Variants in SLC4A7 observed in about 807,000 individuals in gnomAD.
SLC4A7 encodes the protein sodium bicarbonate cotransporter 3.
In SLC4A7, 51 loss-of-function variants were observed where a neutral mutation model predicts 137.6. The observed-to-expected ratio is 0.37, with a 90% CI of 0.30 to 0.47. The LOEUF is 0.47. Ranked by LOEUF, SLC4A7 falls within the 20% of genes least tolerant of loss-of-function variation. The pLI, the probability that SLC4A7 is intolerant of heterozygous loss-of-function variation, is 1.00. For missense variants in SLC4A7, 1,247 were observed against 1,525.4 expected (o/e 0.82, Z 3.04); for synonymous variants, 542 against 518.6 (o/e 1.05, Z -0.61).
intron 1 of SLC4A7, among the ~76,000 whole-genome samples, chr3:27,469,727 T>C (rs187262206): frequency 3.5e-3 from 535 of 152,090 alleles, no homozygotes; most frequent in African/African-American, 0.012. Context: ...CACTCCAGCT[T>C]GGGCAACAAG....
intron 20 of SLC4A7, 76 bp from the exon 21 acceptor site, chr3:27,391,884 G>A: frequency 1.2e-6 from 1 of 807,142 alleles, no homozygotes; most frequent in East Asian, 2.7e-5. Flanking sequence ...TAATTATAGG[G>A]CTAGAATTAA....
At chr3:27,439,547 C>A (rs1414858444) in intron 3 of SLC4A7, among the ~76,000 whole-genome samples, 1 of 152,116 alleles carries the variant, frequency 6.6e-6, no homozygotes, top group Admixed American at 6.6e-5. Flanking sequence ...TTTCTCATTA[C>A]TCATTGCAAC....
At chr3:27,380,450 GA>G (rs2050308702) in intron 24 of SLC4A7, among the ~76,000 whole-genome samples, 2 of 151,832 alleles carry the variant, frequency 1.3e-5, no homozygotes, top group African/African-American at 2.4e-5. Context: ...TGGGGCTCAA[GA>G]TTGTCCATCA....
At chr3:27,429,422 A>T (rs763698007) in intron 7 of SLC4A7, among the ~76,000 whole-genome samples, 10 of 152,220 alleles carry the variant, frequency 6.6e-5, no homozygotes, top group Non-Finnish European at 1.2e-4. Flanking sequence ...AGCATGAAAC[A>T]ATGGACAACT....
chr3:27,470,060 TTATC>T (rs2059171150), intron 1 of SLC4A7, among the ~76,000 whole-genome samples: 1 of 152,220 alleles, frequency 6.6e-6, no homozygotes, highest in Non-Finnish European at 1.5e-5. Context: ...TCCATGTATC[TTATC>T]TTTCTTCTTA....
chr3:27,401,077 A>T, intron 15 of SLC4A7: 1 of 392,924 alleles, frequency 2.5e-6, no homozygotes, highest in Non-Finnish European at 4.6e-6. Flanking sequence ...ACAAATATCA[A>T]AACGTTTAGT....
intron 24 of SLC4A7, among the ~76,000 whole-genome samples, chr3:27,381,357 T>C (rs1479998480): frequency 2.0e-5 from 3 of 152,182 alleles, no homozygotes; most frequent in Non-Finnish European, 4.4e-5. Flanking sequence ...CTAACAACCA[T>C]CATGGTAGTT....
intron 20 of SLC4A7, among the ~76,000 whole-genome samples, chr3:27,393,015 T>C (rs1029281444): frequency 6.6e-6 from 1 of 151,974 alleles, no homozygotes; most frequent in Non-Finnish European, 1.5e-5. Context: ...GGGATAAGAA[T>C]ATTAGAACAA....
At chr3:27,447,810 G>A (rs916431185) in intron 3 of SLC4A7, among the ~76,000 whole-genome samples, 1 of 151,944 alleles carries the variant, frequency 6.6e-6, no homozygotes, top group African/African-American at 2.4e-5. Context: ...AAAAAACCCT[G>A]TCCTTTTATA....
intron 3 of SLC4A7, among the ~76,000 whole-genome samples, chr3:27,442,821 A>G (rs1372157611): frequency 2.6e-5 from 4 of 152,062 alleles, no homozygotes; most frequent in African/African-American, 4.8e-5. Flanking sequence ...TCCTGCTAAC[A>G]GGCTGTCCAT....
At chr3:27,468,307 A>C (rs568658258) in intron 1 of SLC4A7, among the ~76,000 whole-genome samples, 1 of 152,234 alleles carries the variant, frequency 6.6e-6, no homozygotes, top group African/African-American at 2.4e-5. Flanking sequence ...AATCCAAAAA[A>C]TTATCTCCAT....
In SLC4A7 at chr3:27,403,445, A is replaced by G. The variant is rs149287921; in HGVS notation, c.2076-61T>C. On this transcript the variant is annotated intron_variant, in intron 14 of 25. Transcript: ENST00000454389. ...ATGTGGAATAGTATTTGTACCTAAA[A>G]TTTTTCATTGCAAGCAATGGGAACA... The G allele has an allele frequency of 8.8e-5, 107 of 1,220,568 alleles. No homozygotes were observed. In the African/African-American group the frequency reaches 1.4e-3, roughly 16 times the overall value. 75.6% of individuals were successfully genotyped at this position (1,220,568 alleles called of 1,614,324 possible). A position where few individuals can be genotyped will look rare whatever the true frequency, so the allele number is the denominator to read the frequency against.
chr3:27,439,417 T>C (rs545202838), intron 3 of SLC4A7, among the ~76,000 whole-genome samples: 2 of 152,262 alleles, frequency 1.3e-5, no homozygotes, highest in South Asian at 2.1e-4. Flanking sequence ...AAAACACATA[T>C]TGTGATTGAA....
chr3:27,396,232 A>G (rs893420786), intron 18 of SLC4A7, among the ~76,000 whole-genome samples: 3 of 152,178 alleles, frequency 2.0e-5, no homozygotes, highest in South Asian at 4.1e-4. Context: ...CCTCACACTC[A>G]ATGTTGTGTA....
chr3:27,404,428 T>A (rs1053292285), intron 14 of SLC4A7, among the ~76,000 whole-genome samples: 4 of 152,144 alleles, frequency 2.6e-5, no homozygotes, highest in African/African-American at 9.7e-5. Flanking sequence ...GAATTCAAAG[T>A]CTAACAGCTA....
At chr3:27,385,837 G>T in intron 23 of SLC4A7, 55 bp downstream of exon 23, 1 of 1,225,528 alleles carries the variant, frequency 8.2e-7, no homozygotes, top group Non-Finnish European at 1.2e-6. Context: ...CCTGCAATAT[G>T]GTGCAAAATA....
intron 11 of SLC4A7, among the ~76,000 whole-genome samples, chr3:27,415,847 C>T (rs1353475395): frequency 6.6e-6 from 1 of 152,160 alleles, no homozygotes; most frequent in Non-Finnish European, 1.5e-5. Context: ...GATAAAAAGG[C>T]ATTTTGCAAA....
chr3:27,444,574 C>T (rs28407792), intron 3 of SLC4A7, among the ~76,000 whole-genome samples: 4,971 of 152,206 alleles, frequency 0.033, 86 homozygotes, highest in African/African-American at 0.038. Context: ...TTCTTTCCTG[C>T]TGTAGTAAAT....
intron 3 of SLC4A7, among the ~76,000 whole-genome samples, chr3:27,442,226 A>G (rs2057255212): frequency 6.6e-6 from 1 of 152,074 alleles, no homozygotes; most frequent in African/African-American, 2.4e-5. Flanking sequence ...TGTCCCTAAT[A>G]TTTCACCCTT....
Sources: gnomAD v4.1 joint callset for allele counts (sites outside exome capture counted in the v4.1 genomes callset) on GRCh38, gnomAD v4.1.1 for gene constraint, MANE v1.5 for transcripts, NCBI Gene and HGNC (gene_info 2026-07-23, HGNC 2026-07-21) for gene names.